The following PROCR variants were observed in gnomAD, a reference collection of about 807,000 sequenced individuals.
The protein encoded by PROCR is endothelial protein C receptor.
In PROCR, 22 loss-of-function variants were observed where a neutral mutation model predicts 24.2. That is an observed-to-expected ratio of 0.91 (90% CI 0.65 to 1.30). The LOEUF (loss-of-function observed/expected upper bound fraction) is 1.30. PROCR is among the 50% of genes most tolerant of loss of function. PROCR has a pLI of 0.00. For missense variants in PROCR, 288 were observed against 307.7 expected (o/e 0.94, Z 0.48); for synonymous variants, 137 against 139.2 (o/e 0.98, Z 0.11).
Position 35,194,325 on chromosome 20 carries a change from GTAAC to G in PROCR, c.94+17883_94+17886del, listed in dbSNP as rs542465066. ...AGGATATGAAGCAGTGTTGGGTTAA[GTAAC>G]TAAGGAGGCTTATGGGATCAAGAAA... On this transcript the variant is annotated intron_variant, in intron 1 of 1. Coordinates refer to the PROCR transcript ENST00000634509. Among the ~76,000 whole-genome samples, 32 of 152,280 alleles carry G rather than the reference GTAAC, an allele frequency of 2.1e-4. No homozygotes were observed. In the East Asian group the frequency reaches 6.2e-3, roughly 29 times the overall value.
chr20:35,182,893 G>A (rs2086089949), intron 1 of PROCR, among the ~76,000 whole-genome samples: 1 of 150,534 alleles, frequency 6.6e-6, no homozygotes, highest in Non-Finnish European at 1.5e-5. Flanking sequence ...AGAGTAGCTT[G>A]CACCCAGGAG....
intron 1 of PROCR, among the ~76,000 whole-genome samples, chr20:35,210,047 A>T (rs1432252007): frequency 6.6e-6 from 1 of 152,046 alleles, no homozygotes; most frequent in Middle Eastern, 3.2e-3. Flanking sequence ...GGCAACATAG[A>T]GAAACTCCAT....
intron 1 of PROCR, 57 bp from the exon 2 acceptor site, chr20:35,174,645 C>A (rs2146142705): frequency 1.2e-6 from 2 of 1,608,908 alleles, no homozygotes; most frequent in East Asian, 2.2e-5. Context: ...TTATTATCTT[C>A]CGCTGCCCGC....
At chr20:35,179,757 T>C (rs560157769), downstream of PROCR, among the ~76,000 whole-genome samples, 116 of 152,292 alleles carry the variant, frequency 7.6e-4, no homozygotes, top group Admixed American at 1.8e-3. Flanking sequence ...AGAATAACCA[T>C]CAAATCATGT....
chr20:35,171,986 A>G, upstream of PROCR: 1 of 690,264 alleles, frequency 1.4e-6, no homozygotes, highest in South Asian at 1.6e-5. Context: ...AGTAGAAATA[A>G]CACTTTATAA....
intron 1 of PROCR, among the ~76,000 whole-genome samples, chr20:35,215,595 T>G (rs1010702185): frequency 1.3e-5 from 2 of 152,026 alleles, no homozygotes; most frequent in African/African-American, 4.8e-5. Context: ...AGGTAATTAA[T>G]GAATGAACAA....
At chr20:35,212,019 A>G (rs2060364396) in intron 1 of PROCR, among the ~76,000 whole-genome samples, 1 of 151,474 alleles carries the variant, frequency 6.6e-6, no homozygotes, top group African/African-American at 2.4e-5. Flanking sequence ...CTCTGTCTCA[A>G]GAAAAAAAAA....
chr20:35,179,488 C>T (rs2065978), downstream of PROCR, among the ~76,000 whole-genome samples: 93,166 of 151,282 alleles, frequency 0.62, 29,913 homozygotes, highest in African/African-American at 0.8. Context: ...TGAGGCTGCA[C>T]TGAGCCATGA....
downstream of PROCR, among the ~76,000 whole-genome samples, chr20:35,180,548 T>C (rs1489723846): frequency 1.3e-5 from 2 of 152,208 alleles, no homozygotes; most frequent in Non-Finnish European, 2.9e-5. Flanking sequence ...CCAGGGAGGC[T>C]GGGTCTTTGT....
At position 35,172,174 on chromosome 20, in the gene PROCR, C is replaced by T. The variant is rs1240895486; in HGVS notation, c.20C>T (p.Pro7Leu). The stretch of plus-strand genomic sequence containing the variant: ...TTCAGGATGTTGACAACATTGCTGC[C>T]GATACTGCTGCTGTCTGGCTGGGCC... MLTTLLPILLLSGWAFC... is the reference protein window; with the variant it reads MLTTLLLILLLSGWAFC... The change falls in exon 1 of 4, where the codon CCG (proline) becomes CTG (leucine). Residue 7 changes from proline to leucine, a missense_variant. Transcript: ENST00000216968. The T allele has an allele frequency of 7.4e-6, 12 of 1,614,188 alleles. No individual in the cohort carries two copies. Among genetic ancestry groups the T allele is most frequent in the Middle Eastern group, 1.6e-4 (1 of 6,062 alleles).
chr20:35,178,519 T>TTTTTTTTG (rs2086047986), downstream of PROCR, among the ~76,000 whole-genome samples: 1 of 50,888 alleles, frequency 2.0e-5, no homozygotes, highest in African/African-American at 1.6e-4. Context: ...TTTTTTTTTT[T>TTTTTTTTG]TTTTTTTTTT....
At chr20:35,174,654 G>T in intron 1 of PROCR, 48 bp from the exon 2 acceptor site, 1 of 1,611,188 alleles carries the variant, frequency 6.2e-7, no homozygotes. Context: ...TCCGCTGCCC[G>T]CCGCCCCCTC....
At chr20:35,186,623 A>G (rs2086129621) in intron 1 of PROCR, among the ~76,000 whole-genome samples, 1 of 151,342 alleles carries the variant, frequency 6.6e-6, no homozygotes, top group Non-Finnish European at 1.5e-5. Context: ...AGAACCAGGT[A>G]TTATATGATT....
At chr20:35,189,860 A>T (rs1314895042) in intron 1 of PROCR, among the ~76,000 whole-genome samples, 1 of 152,244 alleles carries the variant, frequency 6.6e-6, no homozygotes. Context: ...TTTAGAAGTT[A>T]GTCAATAAAT....
intron 1 of PROCR, among the ~76,000 whole-genome samples, chr20:35,207,256 T>C (rs2060345872): frequency 6.6e-6 from 1 of 152,112 alleles, no homozygotes; most frequent in African/African-American, 2.4e-5. Flanking sequence ...TTTATTTTTT[T>C]GTTTGTGTGT....
intron 1 of PROCR, among the ~76,000 whole-genome samples, chr20:35,187,839 TTC>T (rs1374931871): frequency 6.6e-6 from 1 of 152,200 alleles, no homozygotes; most frequent in Admixed American, 6.5e-5. Context: ...ATAACTAGGA[TTC>T]TACATTCCTA....
At chr20:35,191,001 A>G (rs544173842) in intron 1 of PROCR, among the ~76,000 whole-genome samples, 5 of 152,226 alleles carry the variant, frequency 3.3e-5, no homozygotes, top group African/African-American at 1.2e-4. Context: ...TTGGGACTAC[A>G]GGCACGTACC....
At chr20:35,178,511 T>TGTTTTTTG (rs202179491), downstream of PROCR, among the ~76,000 whole-genome samples, 1 of 42,926 alleles carries the variant, frequency 2.3e-5, no homozygotes, top group South Asian at 1.2e-3. Flanking sequence ...GTCTCAGTTT[T>TGTTTTTTG]TTTTTTTTTT....
chr20:35,184,380 C>A (rs757300923), intron 1 of PROCR, among the ~76,000 whole-genome samples: 58 of 152,222 alleles, frequency 3.8e-4, no homozygotes, highest in Non-Finnish European at 7.8e-4. Context: ...GGATCCTCAT[C>A]TTTTACCTTA....
Sources: gnomAD v4.1 joint callset for allele counts (sites outside exome capture counted in the v4.1 genomes callset) on GRCh38, gnomAD v4.1.1 for gene constraint, MANE v1.5 for transcripts, NCBI Gene and HGNC (gene_info 2026-07-23, HGNC 2026-07-21) for gene names.